ULK4: variants seen among roughly 807,000 people sequenced by gnomAD.
ULK4 encodes the protein unc-51 like kinase 4, also known as inactive serine/threonine-protein kinase ULK4.
In ULK4, 133 loss-of-function variants were observed where a neutral mutation model predicts 160.6. That is an observed-to-expected ratio of 0.83 (90% CI 0.72 to 0.96). The LOEUF (loss-of-function observed/expected upper bound fraction) is 0.96, where lower values mean the gene tolerates loss of function less well. ULK4 is among the 40% of genes least tolerant of loss of function. ULK4 has a pLI of 0.00. For missense variants in ULK4, 1,580 were observed against 1,499.5 expected (o/e 1.05, Z -0.89); for synonymous variants, 534 against 539.8 (o/e 0.99, Z 0.15).
At chr3:41,579,517 G>A (rs956812042) in intron 31 of ULK4, among the ~76,000 whole-genome samples, 103 of 122,420 alleles carry the variant, frequency 8.4e-4, no homozygotes, top group Admixed American at 2.2e-3. Context: ...TTTTTGAGAC[G>A]GAGTTTCGCT....
At chr3:41,581,902 G>A (rs889233350) in intron 31 of ULK4, among the ~76,000 whole-genome samples, 11 of 152,220 alleles carry the variant, frequency 7.2e-5, no homozygotes, top group Non-Finnish European at 1.5e-4. Context: ...GCACAGATGA[G>A]ATGAGACAAA....
intron 31 of ULK4, among the ~76,000 whole-genome samples, chr3:41,572,297 T>C (rs773078728): frequency 1.3e-4 from 20 of 152,056 alleles, no homozygotes; most frequent in Non-Finnish European, 2.6e-4. Flanking sequence ...GGACCCACAG[T>C]GTTACCTGGG....
intron 35 of ULK4, among the ~76,000 whole-genome samples, chr3:41,388,525 T>C (rs1166528462): frequency 6.6e-6 from 1 of 152,112 alleles, no homozygotes; most frequent in African/African-American, 2.4e-5. Flanking sequence ...GTGTAAGTCT[T>C]TAATCCATCT....
chr3:41,550,718 C>T (rs1234514854), intron 32 of ULK4, among the ~76,000 whole-genome samples: 1 of 151,872 alleles, frequency 6.6e-6, no homozygotes, highest in African/African-American at 2.4e-5. Context: ...TCTTATTAGA[C>T]AGATAATCGA....
chr3:41,308,235 C>A (rs1559516976), intron 35 of ULK4, among the ~76,000 whole-genome samples: 1 of 152,034 alleles, frequency 6.6e-6, no homozygotes, highest in South Asian at 2.1e-4. Context: ...CATGTACACA[C>A]AGGAGTGTGT....
chr3:41,305,898 TCTGCCCGGCTGCG>T (rs2079909403), intron 35 of ULK4, among the ~76,000 whole-genome samples: 1 of 146,968 alleles, frequency 6.8e-6, no homozygotes, highest in Non-Finnish European at 1.5e-5. Context: ...GAGGAGCACC[TCTGCCCGGCTGCG>T]ACCCCGTCTG....
At chr3:41,853,749 C>A (rs1005405153) in intron 17 of ULK4, among the ~76,000 whole-genome samples, 1 of 152,142 alleles carries the variant, frequency 6.6e-6, no homozygotes, top group Non-Finnish European at 1.5e-5. Flanking sequence ...GATAAGAGAT[C>A]ATGGACCATG....
chr3:41,447,979 G>A (rs2125864073), intron 34 of ULK4, among the ~76,000 whole-genome samples: 1 of 152,310 alleles, frequency 6.6e-6, no homozygotes, highest in South Asian at 2.1e-4. Context: ...CAGCAGGAGT[G>A]CTGCGGACAA....
At chr3:41,764,810 A>G (rs1232201251) in intron 21 of ULK4, among the ~76,000 whole-genome samples, 2 of 152,248 alleles carry the variant, frequency 1.3e-5, no homozygotes, top group Non-Finnish European at 2.9e-5. Flanking sequence ...AACACTTCTC[A>G]TAGCCCTGAG....
At chr3:41,469,171 A>G (rs1251932685) in intron 32 of ULK4, among the ~76,000 whole-genome samples, 1 of 152,132 alleles carries the variant, frequency 6.6e-6, no homozygotes, top group Admixed American at 6.5e-5. Flanking sequence ...GGCTCTATCT[A>G]TCACACCCAG....
intron 19 of ULK4, 138 bp from the exon 20 acceptor site, chr3:41,800,431 T>C: frequency 1.3e-6 from 1 of 750,276 alleles, no homozygotes; most frequent in South Asian, 2.0e-5. Context: ...GGAGGAATGA[T>C]AACTCTTTCA....
intron 32 of ULK4, among the ~76,000 whole-genome samples, chr3:41,498,536 CAG>C (rs2085071788): frequency 6.6e-6 from 1 of 150,636 alleles, no homozygotes; most frequent in Non-Finnish European, 1.5e-5. Flanking sequence ...ATCAATTAAA[CAG>C]AAAACAGACA....
At chr3:41,432,140 C>T (rs189921600) in intron 34 of ULK4, among the ~76,000 whole-genome samples, 6 of 152,192 alleles carry the variant, frequency 3.9e-5, no homozygotes, top group South Asian at 4.2e-4. Flanking sequence ...AAGGCAACGA[C>T]GGCTTCTACA....
intron 32 of ULK4, among the ~76,000 whole-genome samples, chr3:41,464,845 C>T (rs1220850098): frequency 6.6e-6 from 1 of 152,200 alleles, no homozygotes; most frequent in East Asian, 1.9e-4. Flanking sequence ...CACCCATCTA[C>T]ATACTGCTTA....
chr3:41,651,357 C>G (rs1199214146), intron 30 of ULK4, among the ~76,000 whole-genome samples: 1 of 152,200 alleles, frequency 6.6e-6, no homozygotes, highest in Non-Finnish European at 1.5e-5. Flanking sequence ...CCCACCCCAC[C>G]TCATAAAACT....
At chr3:41,704,350 G>C (rs907790596) in intron 27 of ULK4, among the ~76,000 whole-genome samples, 10 of 152,302 alleles carry the variant, frequency 6.6e-5, no homozygotes, top group African/African-American at 2.2e-4. Context: ...AAGGAGGGAA[G>C]GATGGAACCA....
intron 32 of ULK4, among the ~76,000 whole-genome samples, chr3:41,554,672 A>G (rs1353029634): frequency 6.6e-6 from 1 of 152,126 alleles, no homozygotes. Flanking sequence ...AGTTAACAAC[A>G]ATATATTGTG....
intron 32 of ULK4, among the ~76,000 whole-genome samples, chr3:41,541,568 G>T (rs2086695895): frequency 6.6e-6 from 1 of 152,148 alleles, no homozygotes; most frequent in Admixed American, 6.5e-5. Context: ...TGTGAAAAAA[G>T]TCAATGGTAG....
intron 5 of ULK4, chr3:41,931,606 G>A: frequency 2.4e-6 from 1 of 423,296 alleles, no homozygotes; most frequent in Admixed American, 4.0e-5. Context: ...AAAACATAAA[G>A]CTGAGGACGA....
Sources: gnomAD v4.1 joint callset for allele counts (sites outside exome capture counted in the v4.1 genomes callset) on GRCh38, gnomAD v4.1.1 for gene constraint, MANE v1.5 for transcripts, NCBI Gene and HGNC (gene_info 2026-07-23, HGNC 2026-07-21) for gene names.